PDE7B: variants seen among roughly 807,000 people sequenced by gnomAD.
PDE7B encodes phosphodiesterase 7B.
PDE7B carries 29 observed loss-of-function variants against 56.2 expected under a neutral mutation model. The observed-to-expected ratio is 0.52, with a 90% CI of 0.38 to 0.70. The LOEUF is 0.70. Among genes scored for constraint, PDE7B ranks in the 30% least tolerant of loss-of-function variants. PDE7B has a pLI of 0.00. For missense variants in PDE7B, 490 were observed against 565.0 expected (o/e 0.87, Z 1.35); for synonymous variants, 197 against 196.9 (o/e 1.00, Z 0.00).
chr6:136,184,545 C>T (rs182070159), intron 11 of PDE7B, among the ~76,000 whole-genome samples: 1 of 152,282 alleles, frequency 6.6e-6, no homozygotes, highest in East Asian at 1.9e-4. Context: ...TCCATCATTG[C>T]AGCAAATCCC....
intron 1 of PDE7B, among the ~76,000 whole-genome samples, chr6:135,922,653 A>G (rs953090390): frequency 2.0e-5 from 3 of 152,168 alleles, no homozygotes; most frequent in Non-Finnish European, 4.4e-5. Context: ...TGCTTTTGGA[A>G]TGCTTTACTG....
At chr6:135,929,389 C>T (rs1774255305) in intron 1 of PDE7B, among the ~76,000 whole-genome samples, 1 of 152,088 alleles carries the variant, frequency 6.6e-6, no homozygotes, top group Non-Finnish European at 1.5e-5. Context: ...TGGTATGGAG[C>T]ACTTGAAATG....
chr6:135,855,070 T>A (rs542754091), intron 1 of PDE7B, among the ~76,000 whole-genome samples: 2 of 152,354 alleles, frequency 1.3e-5, no homozygotes, highest in South Asian at 4.1e-4. Flanking sequence ...ATTCAGGCTC[T>A]AATGAGCTGG....
At chr6:136,110,710 AC>A (rs1280355926) in intron 3 of PDE7B, among the ~76,000 whole-genome samples, 2 of 148,026 alleles carry the variant, frequency 1.4e-5, no homozygotes, top group African/African-American at 5.1e-5. Flanking sequence ...GGATTCTGCA[AC>A]ATTTTTTTTT....
chr6:135,968,890 T>C (rs1463040419), intron 2 of PDE7B, among the ~76,000 whole-genome samples: 1 of 152,150 alleles, frequency 6.6e-6, no homozygotes, highest in Non-Finnish European at 1.5e-5. Flanking sequence ...TCAACCCAAA[T>C]GTCAATCAAT....
chr6:136,169,927 G>A (rs962743470), intron 8 of PDE7B, among the ~76,000 whole-genome samples: 4 of 152,168 alleles, frequency 2.6e-5, no homozygotes, highest in Non-Finnish European at 5.9e-5. Context: ...TTGGCAATTA[G>A]TGAAATGAAT....
chr6:136,148,356 AAAAAGAAAGAAGGAAAGAAAAG>A (rs1383752523), intron 4 of PDE7B, among the ~76,000 whole-genome samples: 1 of 150,900 alleles, frequency 6.6e-6, no homozygotes, highest in Non-Finnish European at 1.5e-5. Flanking sequence ...ACCAGGTCTC[AAAAAGAAAGAAGGAAAGAAAAG>A]AAAAGAAAGA....
chr6:136,133,235 T>C (rs1176656648), intron 3 of PDE7B, among the ~76,000 whole-genome samples: 1 of 149,190 alleles, frequency 6.7e-6, no homozygotes, highest in Middle Eastern at 3.3e-3. Flanking sequence ...AGTATAATAA[T>C]AATAATATTA....
intron 1 of PDE7B, among the ~76,000 whole-genome samples, chr6:135,912,198 G>C (rs1776224627): frequency 6.6e-6 from 1 of 152,156 alleles, no homozygotes; most frequent in Non-Finnish European, 1.5e-5. Flanking sequence ...ATCACTGGAA[G>C]AATCTCCTAC....
At chr6:136,006,112 AC>A (rs1562467061) in intron 2 of PDE7B, among the ~76,000 whole-genome samples, 1 of 147,892 alleles carries the variant, frequency 6.8e-6, no homozygotes, top group African/African-American at 2.6e-5. Flanking sequence ...AGGACAAAAA[AC>A]CAAACACTGC....
Position 135,858,668 on chromosome 6 carries a change from C to T in PDE7B, c.21+6649C>T, listed in dbSNP as rs17065023. On this transcript the variant is annotated intron_variant, in intron 1 of 12. Coordinates refer to ENST00000308191, the MANE Select transcript of PDE7B (RefSeq NM_018945.4). ...GCTTTCTCATGTATAAAATGAGGGGCTTGGTCAAGCTCAAAGTTCCTTTGA... is the reference window on the plus strand; with the variant it reads ...GCTTTCTCATGTATAAAATGAGGGGTTTGGTCAAGCTCAAAGTTCCTTTGA... Among the ~76,000 whole-genome samples, 1,419 of 152,272 alleles carry T rather than the reference C, an allele frequency of 9.3e-3. 11 individuals are homozygous for T. Among genetic ancestry groups the T allele is most frequent in the African/African-American group, 0.032 (1,347 of 41,552 alleles).
At chr6:136,101,993 T>C (rs1046756511) in intron 2 of PDE7B, among the ~76,000 whole-genome samples, 1 of 152,170 alleles carries the variant, frequency 6.6e-6, no homozygotes, top group Non-Finnish European at 1.5e-5. Context: ...ATGAAGTACA[T>C]CATGCGTAGT....
chr6:135,902,132 C>T (rs1032805470), intron 1 of PDE7B, among the ~76,000 whole-genome samples: 31 of 152,088 alleles, frequency 2.0e-4, no homozygotes, highest in African/African-American at 4.1e-4. Flanking sequence ...TTCATTTGAA[C>T]GTAAACAGAA....
chr6:135,992,567 A>AT (rs968346056), intron 2 of PDE7B, among the ~76,000 whole-genome samples: 5 of 151,836 alleles, frequency 3.3e-5, no homozygotes, highest in African/African-American at 7.2e-5. Context: ...GATACTTCAA[A>AT]TTTTTTTTTC....
chr6:136,004,173 C>A (rs1270434468), intron 2 of PDE7B, among the ~76,000 whole-genome samples: 2 of 152,110 alleles, frequency 1.3e-5, no homozygotes, highest in African/African-American at 4.8e-5. Flanking sequence ...TAAAAACTCT[C>A]AATAAATTAG....
At chr6:135,978,798 A>G (rs1219549199) in intron 2 of PDE7B, among the ~76,000 whole-genome samples, 1 of 152,128 alleles carries the variant, frequency 6.6e-6, no homozygotes, top group Non-Finnish European at 1.5e-5. Context: ...GGGGTTTTCT[A>G]GATATACAAT....
chr6:135,927,790 G>A (rs1420739523), intron 1 of PDE7B, among the ~76,000 whole-genome samples: 2 of 152,016 alleles, frequency 1.3e-5, no homozygotes, highest in African/African-American at 2.4e-5. Flanking sequence ...TTGACAGGTG[G>A]GACCTAATTA....
chr6:136,183,051 A>G (rs10080742), intron 11 of PDE7B, among the ~76,000 whole-genome samples: 33,312 of 145,794 alleles, frequency 0.23, 10,763 homozygotes, highest in African/African-American at 0.73. Flanking sequence ...CAGCCTGGGC[A>G]ACAGAGCAAG....
chr6:135,942,208 C>T (rs896470851), intron 1 of PDE7B, among the ~76,000 whole-genome samples: 6 of 151,958 alleles, frequency 3.9e-5, no homozygotes, highest in South Asian at 4.2e-4. Flanking sequence ...TATAACTAAA[C>T]GTATGGTGAA....
Sources: gnomAD v4.1 joint callset for allele counts (sites outside exome capture counted in the v4.1 genomes callset) on GRCh38, gnomAD v4.1.1 for gene constraint, MANE v1.5 for transcripts, NCBI Gene and HGNC (gene_info 2026-07-23, HGNC 2026-07-21) for gene names.